AFG2A: variants seen among roughly 807,000 people sequenced by gnomAD.
AFG2A encodes AAA ATPase AFG2A.
the AFG2A span, among the ~76,000 whole-genome samples, chr4:123,000,776 G>T: frequency 1.3e-5 from 1 of 77,180 alleles, no homozygotes; most frequent in South Asian, 6.2e-4. Flanking sequence ...TTTTTTGGTT[G>T]TGTCTCTGCC....
the AFG2A span, among the ~76,000 whole-genome samples, chr4:123,022,205 A>G: frequency 3.4e-3 from 515 of 151,780 alleles, 4 homozygotes; most frequent in Middle Eastern, 0.014. Context: ...ATTAAACTAA[A>G]GAGCTTCTGC....
the AFG2A span, among the ~76,000 whole-genome samples, chr4:123,246,040 A>T: frequency 6.6e-6 from 1 of 152,256 alleles, no homozygotes; most frequent in Non-Finnish European, 1.5e-5. Context: ...TTGTTTAAAA[A>T]GCATGTCCAC....
the AFG2A span, among the ~76,000 whole-genome samples, chr4:123,300,783 A>G: frequency 1.3e-5 from 2 of 151,442 alleles, no homozygotes; most frequent in East Asian, 1.9e-4. Context: ...TGAAAATAAG[A>G]CACAGGTGTT....
At chr4:123,254,446 A>T in the AFG2A span, among the ~76,000 whole-genome samples, 1 of 152,000 alleles carries the variant, frequency 6.6e-6, no homozygotes, top group Non-Finnish European at 1.5e-5. Flanking sequence ...TATCCTCTAG[A>T]TACTCTCACA....
At chr4:123,068,385 A>G in the AFG2A span, among the ~76,000 whole-genome samples, 1 of 152,336 alleles carries the variant, frequency 6.6e-6, no homozygotes, top group African/African-American at 2.4e-5. Context: ...ATTGTCACCT[A>G]ATCTTCAGCA....
At chr4:123,075,187 G>T in the AFG2A span, among the ~76,000 whole-genome samples, 1 of 151,792 alleles carries the variant, frequency 6.6e-6, no homozygotes, top group East Asian at 1.9e-4. Context: ...TTTGTGATCC[G>T]CCCACCTTAG....
the AFG2A span, chr4:123,090,448 C>T: frequency 1.9e-5 from 19 of 1,023,438 alleles, 1 homozygote; most frequent in South Asian, 3.2e-4. Context: ...AATAAAGTCT[C>T]AAATGCATAC....
chr4:123,061,554 A>G, the AFG2A span, among the ~76,000 whole-genome samples: 3 of 152,144 alleles, frequency 2.0e-5, no homozygotes, highest in Non-Finnish European at 4.4e-5. Flanking sequence ...CACTACCACA[A>G]TAACAGTGTG....
At chr4:122,944,882 G>A in the AFG2A span, among the ~76,000 whole-genome samples, 115,078 of 152,082 alleles carry the variant, frequency 0.76, 47,043 homozygotes, top group East Asian at 0.96. Flanking sequence ...CAGGTCTGTT[G>A]GAGTTTGCTA....
At chr4:123,314,161 A>C in the AFG2A span, 1 of 1,045,886 alleles carries the variant, frequency 9.6e-7, no homozygotes, top group East Asian at 2.9e-5. Context: ...TTTACTAGGC[A>C]AAATGTTTGA....
At chr4:122,993,765 T>A in the AFG2A span, among the ~76,000 whole-genome samples, 1 of 151,952 alleles carries the variant, frequency 6.6e-6, no homozygotes, top group Non-Finnish European at 1.5e-5. Flanking sequence ...ATCTTTATTG[T>A]CAGAAATTGA....
the AFG2A span, among the ~76,000 whole-genome samples, chr4:123,011,605 A>AAAATC: frequency 6.6e-6 from 1 of 152,198 alleles, no homozygotes; most frequent in Admixed American, 6.5e-5. Flanking sequence ...GTAGGATGGA[A>AAAATC]AAATCGAAAG....
chr4:123,282,350 A>G, the AFG2A span, among the ~76,000 whole-genome samples: 1 of 152,100 alleles, frequency 6.6e-6, no homozygotes, highest in Non-Finnish European at 1.5e-5. Flanking sequence ...AGTCACTTTC[A>G]CGTGGATAGT....
At chr4:122,983,615 AT>A in the AFG2A span, among the ~76,000 whole-genome samples, 10 of 150,968 alleles carry the variant, frequency 6.6e-5, no homozygotes, top group African/African-American at 1.9e-4. Context: ...GGATTTTCCA[AT>A]TTTTTTTTCC....
the AFG2A span, among the ~76,000 whole-genome samples, chr4:123,202,825 A>C: frequency 2.0e-5 from 3 of 152,188 alleles, no homozygotes; most frequent in East Asian, 5.8e-4. Flanking sequence ...GTCCTCTGGC[A>C]ACCACTAGTC....
chr4:123,135,540 T>G, the AFG2A span, among the ~76,000 whole-genome samples: 1 of 152,198 alleles, frequency 6.6e-6, no homozygotes, highest in Non-Finnish European at 1.5e-5. Flanking sequence ...CATCTTTGGA[T>G]TCAACCAACC....
chr4:122,923,231 C>T, the AFG2A span: 4 of 1,614,082 alleles, frequency 2.5e-6, no homozygotes, highest in Non-Finnish European at 2.5e-6. Flanking sequence ...TGTGCGGAGG[C>T]ACGGGCTCCT....
At chr4:123,237,256 T>C in the AFG2A span, among the ~76,000 whole-genome samples, 1 of 152,192 alleles carries the variant, frequency 6.6e-6, no homozygotes, top group Admixed American at 6.5e-5. Flanking sequence ...GTGGGACAGA[T>C]TGTAGTTTGC....
At chr4:123,318,335 A>G in the AFG2A span, 1 of 152,262 alleles carries the variant, frequency 6.6e-6, no homozygotes, top group African/African-American at 2.4e-5. Flanking sequence ...ATCTATTTCC[A>G]TAGCACTGTA....
Sources: gnomAD v4.1 joint callset for allele counts (sites outside exome capture counted in the v4.1 genomes callset) on GRCh38, gnomAD v4.1.1 for gene constraint, MANE v1.5 for transcripts, NCBI Gene and HGNC (gene_info 2026-07-23, HGNC 2026-07-21) for gene names.